KIF26B: variants seen among roughly 807,000 people sequenced by gnomAD.
KIF26B encodes kinesin-like protein KIF26B.
KIF26B carries 63 observed loss-of-function variants against 151.2 expected under a neutral mutation model. The ratio of observed to expected loss-of-function variants is 0.42; its 90% CI spans 0.34 to 0.51. KIF26B has a LOEUF of 0.51. KIF26B is among the 20% of genes least tolerant of loss of function. KIF26B has a pLI of 0.07. For missense variants in KIF26B, 2,813 were observed against 2,913.6 expected, an observed-to-expected ratio of 0.97 and a Z score of 0.79; for synonymous variants, 1,357 against 1,262.1, an observed-to-expected ratio of 1.08 and a Z score of -1.59.
rs190974872 is a variant in KIF26B at position 245,206,053 on chromosome 1, C to A, written c.465+49370C>A. 8.5e-5 allele frequency among the ~76,000 whole-genome samples: 13 copies of A among 152,200 alleles called. 1 individual carries two copies. Among genetic ancestry groups the A allele is most frequent in the African/African-American group, 3.1e-4 (13 of 41,536 alleles). On this transcript the variant is annotated intron_variant, in intron 2 of 14. Transcript: ENST00000407071. ...GAGCCCAGCCCCCAAGGAGACTTTT[C>A]TGATTGCTGGTCTTTGCCATCCTCA...
At chr1:245,156,787 C>G (rs1351914754) in intron 2 of KIF26B, 104 bp downstream of exon 2, 32 of 661,574 alleles carry the variant, frequency 4.8e-5, no homozygotes, top group Non-Finnish European at 6.3e-5. Context: ...GCCGGCTCCA[C>G]GCGAGAGCCC....
At chr1:245,546,223 T>G (rs949150479) in intron 5 of KIF26B, among the ~76,000 whole-genome samples, 180 of 152,334 alleles carry the variant, frequency 1.2e-3, no homozygotes, top group African/African-American at 3.8e-3. Flanking sequence ...TTTTTTTGTT[T>G]TTTGTTTTTT....
At chr1:245,523,183 G>A (rs1572105046) in intron 4 of KIF26B, among the ~76,000 whole-genome samples, 2 of 152,150 alleles carry the variant, frequency 1.3e-5, no homozygotes, top group African/African-American at 4.8e-5. Context: ...CATCCTGTAC[G>A]CTTGACTATT....
At chr1:245,578,763 G>T (rs988565440) in intron 5 of KIF26B, among the ~76,000 whole-genome samples, 8 of 152,188 alleles carry the variant, frequency 5.3e-5, no homozygotes, top group African/African-American at 1.9e-4. Flanking sequence ...AGCTCGTAAG[G>T]TCCACCAGGC....
At chr1:245,199,428 C>G (rs1409294889) in intron 2 of KIF26B, among the ~76,000 whole-genome samples, 2 of 151,860 alleles carry the variant, frequency 1.3e-5, no homozygotes, top group African/African-American at 4.8e-5. Flanking sequence ...TTTAAATAAT[C>G]TGACCCATGT....
chr1:245,287,969 A>G (rs747179254), intron 2 of KIF26B, among the ~76,000 whole-genome samples: 1 of 151,004 alleles, frequency 6.6e-6, no homozygotes, highest in Non-Finnish European at 1.5e-5. Flanking sequence ...CAAGAGTACT[A>G]TGATAGGCTT....
At chr1:245,676,444 G>A (rs1322333812) in intron 10 of KIF26B, 1 of 152,216 alleles carries the variant, frequency 6.6e-6, no homozygotes, top group African/African-American at 2.4e-5. Flanking sequence ...TGAGATCAAA[G>A]CAGATTGGTT....
At chr1:245,592,623 T>C (rs1203903084) in intron 5 of KIF26B, among the ~76,000 whole-genome samples, 1 of 152,160 alleles carries the variant, frequency 6.6e-6, no homozygotes, top group South Asian at 2.1e-4. Flanking sequence ...TGCCCCAAAG[T>C]AGGCCTGGAG....
rs539156654 is a variant in KIF26B at position 245,414,079 on chromosome 1, G to T, written c.1000-5500G>T. On this transcript the variant is annotated intron_variant, in intron 3 of 14. Coordinates refer to ENST00000407071, the MANE Select transcript of KIF26B (RefSeq NM_018012.4). The stretch of plus-strand genomic sequence containing the variant: ...GCTCTGTCTTGTGGCTGCCCACCTG[G>T]CCTGGGGGCCAGAGATGGGGCTGGA... Among the ~76,000 whole-genome samples, 5 of 152,358 alleles carry T rather than the reference G, an allele frequency of 3.3e-5. No homozygotes were observed. In the East Asian group the frequency reaches 9.7e-4, roughly 29 times the overall value.
intron 2 of KIF26B, among the ~76,000 whole-genome samples, chr1:245,193,942 G>A (rs959086350): frequency 4.6e-5 from 7 of 152,204 alleles, no homozygotes; most frequent in African/African-American, 1.7e-4. Context: ...TGGACCATGG[G>A]GCGCTAGAAA....
At chr1:245,470,436 TG>T (rs1659884828) in intron 4 of KIF26B, among the ~76,000 whole-genome samples, 1 of 152,134 alleles carries the variant, frequency 6.6e-6, no homozygotes. Context: ...ACTTTGTTTT[TG>T]TTTTTGTTTT....
chr1:245,563,101 G>T lies in KIF26B; in HGVS notation c.1350+22151G>T, dbSNP rs1284869039. ...CTTAGTACATGTTTGTTTGGGGAAT[G>T]AATGTGAGGTCACTAGTCAATGATT... On this transcript the variant is annotated intron_variant, in intron 5 of 14. Coordinates refer to ENST00000407071, the MANE Select transcript of KIF26B (RefSeq NM_018012.4). The surrounding 1 kb of genome is among the most constrained non-coding windows in gnomAD (Gnocchi z 4.6). Among the ~76,000 whole-genome samples, 1 of 152,176 alleles carries T rather than the reference G, an allele frequency of 6.6e-6. No individual in the cohort carries two copies. The highest frequency in any genetic ancestry group is 6.5e-5 in the Admixed American group (1 of 15,284).
At chr1:245,654,425 T>C (rs1015051654) in intron 10 of KIF26B, among the ~76,000 whole-genome samples, 1 of 152,060 alleles carries the variant, frequency 6.6e-6, no homozygotes, top group African/African-American at 2.4e-5. Flanking sequence ...CTAACCTCAG[T>C]AAATGGCTGT....
chr1:245,280,600 T>G lies in KIF26B; in HGVS notation c.466-86234T>G, dbSNP rs978892094. ...AAGGGGTCCTTGGGAAGTTTTCGTT[T>G]TTTTTTTTTTTTTTTTTTTATACTT... On this transcript the variant is annotated intron_variant, in intron 2 of 14. Transcript: ENST00000407071. Among the ~76,000 whole-genome samples the G allele has an allele frequency of 4.9e-3, 659 of 135,120 alleles. 14 individuals are homozygous for G. The highest frequency in any genetic ancestry group is 6.2e-3 in the Non-Finnish European group (394 of 63,094). The allele number at this position is 135,120 out of a possible 152,430, so 88.6% of individuals were successfully genotyped here. A position where few individuals can be genotyped will look rare whatever the true frequency, so the allele number is the denominator to read the frequency against.
At chr1:245,362,074 C>T (rs1672831614) in intron 2 of KIF26B, among the ~76,000 whole-genome samples, 1 of 151,826 alleles carries the variant, frequency 6.6e-6, no homozygotes, top group Non-Finnish European at 1.5e-5. Context: ...CATCAGCAAA[C>T]TCCTGCTGTG....
At chr1:245,701,167 G>GAA (rs2044766432) in intron 14 of KIF26B, among the ~76,000 whole-genome samples, 1 of 152,046 alleles carries the variant, frequency 6.6e-6, no homozygotes. Context: ...TTGATGCTGA[G>GAA]AAAGAAAATG....
intron 4 of KIF26B, among the ~76,000 whole-genome samples, chr1:245,539,772 C>T (rs1390074072): frequency 6.6e-6 from 1 of 152,168 alleles, no homozygotes; most frequent in Non-Finnish European, 1.5e-5. Context: ...CCTGCCTCAG[C>T]CTCCCGAATA....
At chr1:245,346,653 C>G (rs1318991153) in intron 2 of KIF26B, among the ~76,000 whole-genome samples, 1 of 152,200 alleles carries the variant, frequency 6.6e-6, no homozygotes, top group Non-Finnish European at 1.5e-5. Context: ...GTTCTTCACT[C>G]AACCTCAGCC....
intron 5 of KIF26B, among the ~76,000 whole-genome samples, chr1:245,573,967 A>G (rs2043092353): frequency 6.6e-6 from 1 of 152,196 alleles, no homozygotes; most frequent in South Asian, 2.1e-4. Flanking sequence ...CAACTTATGA[A>G]TTATTTATTT....
Sources: gnomAD v4.1 joint callset for allele counts (sites outside exome capture counted in the v4.1 genomes callset) on GRCh38, gnomAD v4.1.1 for gene constraint, Gnocchi (gnomAD v3.1) non-coding constraint, MANE v1.5 for transcripts, NCBI Gene and HGNC (gene_info 2026-07-23, HGNC 2026-07-21) for gene names.